Variants in TTC8 observed in about 807,000 individuals in gnomAD.
TTC8 encodes the protein tetratricopeptide repeat protein 8.
TTC8 carries 47 observed loss-of-function variants against 72.5 expected under a neutral mutation model. The ratio of observed to expected loss-of-function variants is 0.65; its 90% CI spans 0.51 to 0.83. The LOEUF is 0.83. TTC8 is among the 40% of genes least tolerant of loss of function. The probability of loss-of-function intolerance (pLI) is 0.00; values close to 1 mark genes in which losing one functional copy is unlikely to be tolerated. For missense variants in TTC8, 611 were observed against 623.2 expected (o/e 0.98, Z 0.21); for synonymous variants, 199 against 221.4 (o/e 0.90, Z 0.90).
At chr14:88,864,636 AAAG>A (rs2094902148) in intron 10 of TTC8, among the ~76,000 whole-genome samples, 1 of 152,202 alleles carries the variant, frequency 6.6e-6, no homozygotes, top group African/African-American at 2.4e-5. Context: ...TTGAAGGAAG[AAAG>A]AAGTGGAGAG....
rs762305441 is a variant in TTC8, at chr14:88,846,706, A to C, written c.624+2856A>C. ...ATTTATTCCCTGCACTACTGCACTT[A>C]ATATTCTAAAGATTCTAAGGGTTAG... On this transcript the variant is annotated intron_variant, in intron 7 of 14. Transcript: ENST00000380656. 3.2e-5 allele frequency: 37 copies of C among 1,173,376 alleles called. No homozygotes were observed. The Middle Eastern group carries it at 7.2e-4, about 23-fold the overall frequency. The allele number at this position is 1,173,376 out of a possible 1,614,324, so 72.7% of individuals were successfully genotyped here.
At chr14:88,876,989 A>G (rs2094960049) in intron 14 of TTC8, among the ~76,000 whole-genome samples, 1 of 152,194 alleles carries the variant, frequency 6.6e-6, no homozygotes, top group Non-Finnish European at 1.5e-5. Flanking sequence ...AAAAGAAAAC[A>G]TAGGTTTCTA....
At chr14:88,841,971 A>G (rs2094783822) in intron 6 of TTC8, among the ~76,000 whole-genome samples, 1 of 152,238 alleles carries the variant, frequency 6.6e-6, no homozygotes, top group East Asian at 1.9e-4. Context: ...TACTGAAACC[A>G]CATAGTGGCA....
downstream of TTC8, chr14:88,878,025 C>G (rs2094963981): frequency 6.6e-6 from 1 of 152,018 alleles, no homozygotes; most frequent in Non-Finnish European, 1.5e-5. Context: ...TTATTTTAGT[C>G]ATCTCAGGTG....
At chr14:88,859,318 A>G (rs1213731975) in intron 9 of TTC8, among the ~76,000 whole-genome samples, 3 of 152,168 alleles carry the variant, frequency 2.0e-5, no homozygotes, top group African/African-American at 7.2e-5. Context: ...CATATACACT[A>G]TGGAATACTA....
Position 88,852,955 on chromosome 14 carries a change from T to A in TTC8, c.625-16T>A, listed in dbSNP as rs766430565. The A allele has an allele frequency of 6.2e-7, 1 of 1,605,784 alleles. No individual in the cohort carries two copies. The highest frequency in any genetic ancestry group is 8.5e-7 in the Non-Finnish European group (1 of 1,172,820). ...TAGAAAAGAAAATACTAATCTAAAA[T>A]GAATTGTTTTCAAAGGCTTTGGATC... On this transcript the variant is annotated splice_polypyrimidine_tract_variant and intron_variant, in intron 7 of 14. Coordinates refer to ENST00000380656, the MANE Select transcript of TTC8 (RefSeq NM_144596.4).
chr14:88,833,330 A>G (rs1005004656), intron 1 of TTC8, among the ~76,000 whole-genome samples: 2 of 152,102 alleles, frequency 1.3e-5, no homozygotes. Context: ...TAAAGTCTGA[A>G]TGTTTTAACC....
At chr14:88,858,595 A>G (rs761932060) in intron 9 of TTC8, among the ~76,000 whole-genome samples, 9 of 151,592 alleles carry the variant, frequency 5.9e-5, no homozygotes, top group Admixed American at 1.3e-4. Context: ...TTCAACTTAA[A>G]CAATTTTTTT....
At chr14:88,861,686 C>T (rs574650013) in intron 10 of TTC8, among the ~76,000 whole-genome samples, 1 of 152,108 alleles carries the variant, frequency 6.6e-6, no homozygotes, top group Non-Finnish European at 1.5e-5. Context: ...TTACCTTTTA[C>T]CTCCATTAGA....
intron 1 of TTC8, among the ~76,000 whole-genome samples, chr14:88,831,195 A>G (rs2094724472): frequency 1.3e-5 from 2 of 152,208 alleles, no homozygotes; most frequent in African/African-American, 4.8e-5. Context: ...ACCAGCTGCC[A>G]TGACAGTTTA....
rs79362744 is a variant in TTC8 at position 88,837,304 on chromosome 14, T to C, written c.145-2148T>C. 4.9e-3 allele frequency among the ~76,000 whole-genome samples: 748 copies of C among 152,272 alleles called. 3 individuals are homozygous for C. Among genetic ancestry groups the C allele is most frequent in the African/African-American group, 0.017 (714 of 41,548 alleles). On this transcript the variant is annotated intron_variant, in intron 2 of 14. Transcript: ENST00000380656. ...TCTAGCTAGCCTGCCTATTGTCCACTTTGCCTGTCCGCTGGGCCCAATTCT... is the reference window on the plus strand; with the variant it reads ...TCTAGCTAGCCTGCCTATTGTCCACCTTGCCTGTCCGCTGGGCCCAATTCT...
intron 7 of TTC8, among the ~76,000 whole-genome samples, chr14:88,845,198 A>T (rs2094800459): frequency 6.6e-6 from 1 of 152,226 alleles, no homozygotes; most frequent in South Asian, 2.1e-4. Context: ...AGACATTTTA[A>T]AAAAGGAAGT....
Position 88,843,847 on chromosome 14 carries a change from G to C in TTC8, c.621G>C (p.Lys207Asn). Residue 207 changes from lysine to asparagine, a missense_variant, in exon 7 of 15, where the codon AAG becomes AAC. Physicochemically the swap from Lys to Asn is moderately conservative, Grantham distance 94. Transcript: ENST00000380656. The stretch of plus-strand genomic sequence containing the variant: ...TCTTTCATCATGAAAATGATGTTAA[G>C]ACTGTAAGTTTTGAATTCATGCTAT... ...EYIFHHENDV[K>N]TALDLAALST... 1.3e-6 allele frequency: 2 copies of C among 1,588,066 alleles called. No homozygotes were observed. Among genetic ancestry groups the C allele is most frequent in the Non-Finnish European group, 1.7e-6 (2 of 1,162,642 alleles).
chr14:88,878,560 C>G (rs1271308837), downstream of TTC8: 1 of 152,172 alleles, frequency 6.6e-6, no homozygotes, highest in Non-Finnish European at 1.5e-5. Flanking sequence ...CAAGGCCCCG[C>G]GTCACATCCA....
chr14:88,877,559 CAGA>C lies in TTC8; in HGVS notation c.*151_*153del. The C allele has an allele frequency of 1.5e-6, 1 of 654,102 alleles. No individual in the cohort carries two copies. Among genetic ancestry groups the C allele is most frequent in the South Asian group, 1.8e-5 (1 of 54,382 alleles). The allele number at this position is 654,102 out of a possible 1,614,324, so 40.5% of individuals were successfully genotyped here. On this transcript the variant is annotated 3_prime_UTR_variant, in exon 15 of 15. Transcript: ENST00000380656. ...GTTAAGGTGACACATAAGGGTGACA[CAGA>C]ATGTGTAATGCAAATTTCATAGTAA...
rs370834909 is a variant in TTC8, at chr14:88,825,472, G to T, written c.114+651G>T. Among the ~76,000 whole-genome samples the T allele has an allele frequency of 1.4e-4, 22 of 152,312 alleles. No individual in the cohort carries two copies. The East Asian group carries it at 2.9e-3, about 20-fold the overall frequency. Reference sequence around the variant, plus strand: ...AGGCTCCTTACAAGAAGGAATGATGGCATTGATGAAAAGAGAACTTAAACT... The same window carrying T: ...AGGCTCCTTACAAGAAGGAATGATGTCATTGATGAAAAGAGAACTTAAACT... On this transcript the variant is annotated intron_variant, in intron 1 of 14. Coordinates refer to ENST00000380656, the MANE Select transcript of TTC8 (RefSeq NM_144596.4).
At chr14:88,843,701 A>C (rs1368641718) in intron 6 of TTC8, 105 bp from the exon 7 acceptor site, 3 of 731,052 alleles carry the variant, frequency 4.1e-6, no homozygotes, top group Non-Finnish European at 6.8e-6. Context: ...GTAACAAAAG[A>C]TGGATAGGCC....
At chr14:88,841,279 C>G in intron 5 of TTC8, 83 bp downstream of exon 5, 1 of 1,595,330 alleles carries the variant, frequency 6.3e-7, no homozygotes, top group African/African-American at 1.3e-5. Flanking sequence ...TCATTTTCCC[C>G]TGTTGTTATA....
intron 6 of TTC8, among the ~76,000 whole-genome samples, chr14:88,842,780 G>C (rs940334480): frequency 2.6e-5 from 4 of 152,130 alleles, no homozygotes; most frequent in Non-Finnish European, 5.9e-5. Flanking sequence ...AGCTTGCCTT[G>C]ACCCAAAAGG....
Sources: allele counts gnomAD v4.1 joint callset (sites outside exome capture counted in the v4.1 genomes callset), GRCh38; gene constraint gnomAD v4.1.1; transcripts MANE v1.5; gene names NCBI Gene and HGNC (gene_info 2026-07-23, HGNC 2026-07-21).